The following ATP6V0E1 variants were observed in gnomAD, a reference collection of about 807,000 sequenced individuals.
The protein encoded by ATP6V0E1 is ATPase H+ transporting V0 subunit e1, also known as V-type proton ATPase subunit e 1.
Under a neutral mutation model 11.6 loss-of-function variants are expected in ATP6V0E1, and 4 were observed. The ratio of observed to expected loss-of-function variants is 0.35; its 90% CI spans 0.17 to 0.79. The LOEUF is 0.79. Ranked by LOEUF, ATP6V0E1 falls within the 30% of genes least tolerant of loss-of-function variation. The pLI is 0.54. For missense variants in ATP6V0E1, 105 were observed against 100.0 expected (o/e 1.05, Z -0.21); for synonymous variants, 36 against 34.8 (o/e 1.04, Z -0.13).
At chr5:173,013,173 C>T (rs1561773153) in intron 2 of ATP6V0E1, among the ~76,000 whole-genome samples, 1 of 151,872 alleles carries the variant, frequency 6.6e-6, no homozygotes, top group South Asian at 2.1e-4. Flanking sequence ...CAGAGCAAGA[C>T]ACTTGTGTTA....
intron 1 of ATP6V0E1, among the ~76,000 whole-genome samples, chr5:172,991,676 T>C (rs952493461): frequency 7.9e-5 from 12 of 152,198 alleles, no homozygotes; most frequent in African/African-American, 2.7e-4. Flanking sequence ...ACATTTTTAT[T>C]GTGCAACTGT....
At chr5:172,987,934 A>C (rs1755921149) in intron 1 of ATP6V0E1, among the ~76,000 whole-genome samples, 1 of 152,016 alleles carries the variant, frequency 6.6e-6, no homozygotes. Context: ...GCTGGTCTCC[A>C]ACTCTTGACC....
chr5:173,021,389 T>G (rs484480), intron 3 of ATP6V0E1, among the ~76,000 whole-genome samples: 1,861 of 152,078 alleles, frequency 0.012, 25 homozygotes, highest in African/African-American at 0.031. Flanking sequence ...TGAAAGGCAG[T>G]TCTTACATGG....
At chr5:173,016,800 A>G (rs2113603922) in intron 2 of ATP6V0E1, among the ~76,000 whole-genome samples, 1 of 152,228 alleles carries the variant, frequency 6.6e-6, no homozygotes, top group East Asian at 1.9e-4. Flanking sequence ...CTTTTTTTAT[A>G]ATGTCAGATG....
At chr5:173,026,516 T>C (rs1395894058) in intron 3 of ATP6V0E1, among the ~76,000 whole-genome samples, 2 of 152,236 alleles carry the variant, frequency 1.3e-5, no homozygotes, top group South Asian at 2.1e-4. Flanking sequence ...CAAATACATA[T>C]ATTCATTCAT....
At chr5:172,992,430 T>G (rs1049938690) in intron 1 of ATP6V0E1, among the ~76,000 whole-genome samples, 5 of 152,228 alleles carry the variant, frequency 3.3e-5, no homozygotes, top group African/African-American at 1.2e-4. Context: ...CTCTTTGACC[T>G]CACCTTTCCC....
chr5:172,985,141 A>G (rs1755874814), intron 1 of ATP6V0E1, among the ~76,000 whole-genome samples: 1 of 150,604 alleles, frequency 6.6e-6, no homozygotes, highest in Non-Finnish European at 1.5e-5. Context: ...GCTACTCGGG[A>G]GGCTGAGGCA....
At chr5:172,993,965 A>G (rs1033659224) in intron 1 of ATP6V0E1, among the ~76,000 whole-genome samples, 3 of 152,164 alleles carry the variant, frequency 2.0e-5, no homozygotes, top group Non-Finnish European at 2.9e-5. Flanking sequence ...CAAATGATGG[A>G]TGATGGAGGG....
At chr5:172,994,180 A>G (rs574618709) in intron 1 of ATP6V0E1, among the ~76,000 whole-genome samples, 3 of 152,306 alleles carry the variant, frequency 2.0e-5, no homozygotes, top group Non-Finnish European at 4.4e-5. Context: ...GTGGAGGTGC[A>G]GAGAAGGCAT....
intron 3 of ATP6V0E1, among the ~76,000 whole-genome samples, chr5:173,021,288 T>C (rs1205705050): frequency 6.6e-6 from 1 of 150,644 alleles, no homozygotes; most frequent in Non-Finnish European, 1.5e-5. Flanking sequence ...GATAAAGACA[T>C]ACCCAAGACT....
chr5:173,031,212 G>A (rs1756645282), intron 3 of ATP6V0E1, among the ~76,000 whole-genome samples: 1 of 151,676 alleles, frequency 6.6e-6, no homozygotes, highest in African/African-American at 2.4e-5. Flanking sequence ...CCAAAGTGCT[G>A]GGATTACAGG....
chr5:173,007,580 C>T (rs1756246825), intron 2 of ATP6V0E1, among the ~76,000 whole-genome samples: 1 of 151,984 alleles, frequency 6.6e-6, no homozygotes, highest in Non-Finnish European at 1.5e-5. Flanking sequence ...TTTTCTTTTG[C>T]GGATTAGGTA....
At chr5:173,032,767 C>A (rs1361438700) in intron 3 of ATP6V0E1, among the ~76,000 whole-genome samples, 1 of 152,088 alleles carries the variant, frequency 6.6e-6, no homozygotes, top group Non-Finnish European at 1.5e-5. Context: ...AACAGACAAA[C>A]CATATGTATT....
intron 2 of ATP6V0E1, among the ~76,000 whole-genome samples, chr5:173,019,139 A>G (rs1251768088): frequency 1.3e-5 from 2 of 152,162 alleles, no homozygotes; most frequent in East Asian, 3.9e-4. Context: ...ATTTTTTTAT[A>G]GAGACGGGTT....
chr5:173,017,894 T>G (rs528229139), intron 2 of ATP6V0E1, among the ~76,000 whole-genome samples: 6 of 148,100 alleles, frequency 4.1e-5, no homozygotes, highest in African/African-American at 1.5e-4. Flanking sequence ...TAGATCCCAA[T>G]GTACCATGCA....
intron 1 of ATP6V0E1, among the ~76,000 whole-genome samples, chr5:172,991,908 G>T (rs1476598445): frequency 1.3e-5 from 2 of 152,032 alleles, no homozygotes; most frequent in Non-Finnish European, 2.9e-5. Flanking sequence ...CTTAGAATTG[G>T]AATCAGATTT....
intron 3 of ATP6V0E1, among the ~76,000 whole-genome samples, chr5:173,030,956 T>C (rs1230265018): frequency 6.8e-6 from 1 of 147,820 alleles, no homozygotes; most frequent in East Asian, 1.9e-4. Flanking sequence ...TATTTATTTA[T>C]TTATTTGAGA....
At chr5:173,009,456 CT>C (rs920585185) in intron 2 of ATP6V0E1, among the ~76,000 whole-genome samples, 1,534 of 105,228 alleles carry the variant, frequency 0.015, 2 homozygotes, top group Middle Eastern at 0.037. Flanking sequence ...AGCCACTTCC[CT>C]TTTTTTTTTT....
At chr5:172,996,676 A>G (rs1392459674) in intron 2 of ATP6V0E1, among the ~76,000 whole-genome samples, 1 of 152,170 alleles carries the variant, frequency 6.6e-6, no homozygotes, top group East Asian at 1.9e-4. Context: ...ATGCTGAACT[A>G]TTTAGGTCAA....
Sources: gnomAD v4.1 joint callset for allele counts (sites outside exome capture counted in the v4.1 genomes callset) on GRCh38, gnomAD v4.1.1 for gene constraint, MANE v1.5 for transcripts, NCBI Gene and HGNC (gene_info 2026-07-23, HGNC 2026-07-21) for gene names.